ITPA: variants seen among roughly 807,000 people sequenced by gnomAD.
ITPA encodes the protein inosine triphosphate pyrophosphatase.
Under a neutral mutation model 29.6 loss-of-function variants are expected in ITPA, and 29 were observed. The observed-to-expected ratio is 0.98, with a 90% CI of 0.73 to 1.34. The LOEUF (loss-of-function observed/expected upper bound fraction) is 1.34, where lower values mean the gene tolerates loss of function less well. Among genes scored for constraint, ITPA ranks in the 40% most tolerant of loss-of-function variants. The pLI is 0.00. For missense variants in ITPA, 241 were observed against 251.5 expected (o/e 0.96, Z 0.28); for synonymous variants, 103 against 99.3 (o/e 1.04, Z -0.22).
chr20:3,209,021 G>A (rs936725539), upstream of ITPA: 1 of 189,894 alleles, frequency 5.3e-6, no homozygotes, highest in African/African-American at 2.4e-5. This position sits in a 1 kb window ranked among gnomAD's most constrained non-coding sequence, Gnocchi z 4.6. Flanking sequence ...CTCAAGCCTA[G>A]GAGTGAAAAC....
In ITPA at chr20:3,209,575, G is replaced by T. The variant is rs757185748; in HGVS notation, c.24G>T (p.Lys8Asn). The change falls in exon 1 of 8, where the codon AAG becomes AAT. Residue 8 changes from lysine to asparagine, a missense_variant. Coordinates refer to ENST00000380113, the MANE Select transcript of ITPA (RefSeq NM_033453.4). The surrounding 1 kb of genome is among the most constrained non-coding windows in gnomAD (Gnocchi z 4.6). MAASLVG[K>N]KIVFVTGNAK... Reference sequence around the variant, plus strand: ...CCATGGCGGCCTCATTGGTGGGGAAGAAGATCGTGTTTGTAACGGGGAACG... The same window carrying T: ...CCATGGCGGCCTCATTGGTGGGGAATAAGATCGTGTTTGTAACGGGGAACG... The T allele has an allele frequency of 6.2e-7, 1 of 1,614,174 alleles. No individual in the cohort carries two copies. The highest frequency in any genetic ancestry group is 8.5e-7 in the Non-Finnish European group (1 of 1,180,040).
chr20:3,221,285 A>C, intron 6 of ITPA, among the ~76,000 whole-genome samples: 1 of 149,500 alleles, frequency 6.7e-6, no homozygotes. Flanking sequence ...TTTTTCTAAC[A>C]TTTTCACTGT....
At chr20:3,205,044 G>T (rs952763577), upstream of ITPA, among the ~76,000 whole-genome samples, 10 of 152,000 alleles carry the variant, frequency 6.6e-5, no homozygotes, top group East Asian at 3.9e-4. Flanking sequence ...AGAGATGGGG[G>T]TTTCACCGTG....
upstream of ITPA, among the ~76,000 whole-genome samples, chr20:3,206,615 G>A (rs1295086371): frequency 3.3e-5 from 5 of 151,832 alleles, no homozygotes; most frequent in Non-Finnish European, 5.9e-5. Flanking sequence ...CGGATCACGA[G>A]GTCAGGAGAT....
At chr20:3,217,973 A>G (rs1255784194) in intron 5 of ITPA, among the ~76,000 whole-genome samples, 2 of 148,842 alleles carry the variant, frequency 1.3e-5, no homozygotes, top group Non-Finnish European at 3.0e-5. Context: ...GCTGGAGTGC[A>G]GTGGCCCGAT....
downstream of ITPA, among the ~76,000 whole-genome samples, chr20:3,227,173 T>C (rs3810560): frequency 0.35 from 52,892 of 152,246 alleles, 10,953 homozygotes; most frequent in South Asian, 0.65. Flanking sequence ...CTCGCTCCTC[T>C]GGACCCTTGC....
chr20:3,213,968 A>T lies in ITPA; in HGVS notation c.190-17A>T, dbSNP rs1487422589. On this transcript the variant is annotated splice_polypyrimidine_tract_variant and intron_variant, in intron 3 of 7. Coordinates refer to ENST00000380113, the MANE Select transcript of ITPA (RefSeq NM_033453.4). ...TGGTGATCATGGGTCTCAGGGCTGT[A>T]TGTCTTTGTGCTGCAGGTACAGGGG... is the stretch of plus-strand genomic sequence containing the variant. 4 of 1,613,866 alleles carry T rather than the reference A, an allele frequency of 2.5e-6. No individual in the cohort carries two copies. The highest frequency in any genetic ancestry group is 3.4e-6 in the Non-Finnish European group (4 of 1,179,874).
downstream of ITPA, among the ~76,000 whole-genome samples, chr20:3,225,602 G>A (rs767623829): frequency 6.6e-6 from 1 of 152,212 alleles, no homozygotes; most frequent in African/African-American, 2.4e-5. Context: ...CTCGCCCCGT[G>A]CATCTCTTCA....
upstream of ITPA, chr20:3,204,634 G>GGCCT (rs1568502628): frequency 6.3e-7 from 1 of 1,575,876 alleles, no homozygotes. Context: ...CCATGACGAG[G>GGCCT]GCCTCAGTGC....
At chr20:3,209,236 AT>A, upstream of ITPA, 1 of 427,742 alleles carries the variant, frequency 2.3e-6, no homozygotes. The surrounding 1 kb of genome is among the most constrained non-coding windows in gnomAD (Gnocchi z 4.6). Flanking sequence ...CGGAGACCCC[AT>A]TGCAGAGAAG....
At position 3,215,056 on chromosome 20, in the gene ITPA, A is replaced by G. The variant is rs554892586; in HGVS notation, c.264-225A>G. The stretch of plus-strand genomic sequence containing the variant: ...GTTTTTTTGCATTTTTTGTAGAGAT[A>G]GGATTTTGCTACGTTGTCCAAGCTT... On this transcript the variant is annotated intron_variant, in intron 4 of 7. Transcript: ENST00000380113. Among the ~76,000 whole-genome samples, 10 of 152,088 alleles carry G rather than the reference A, an allele frequency of 6.6e-5. No individual in the cohort carries two copies. The East Asian group carries it at 1.9e-3, about 29-fold the overall frequency.
At chr20:3,220,686 C>T (rs2122425952) in intron 6 of ITPA, among the ~76,000 whole-genome samples, 1 of 150,836 alleles carries the variant, frequency 6.6e-6, no homozygotes, top group South Asian at 2.1e-4. Flanking sequence ...GTAGCTAGGA[C>T]CTCAGGTGTG....
At chr20:3,204,533 C>T (rs754750039), upstream of ITPA, 1 of 1,557,806 alleles carries the variant, frequency 6.4e-7, no homozygotes, top group Non-Finnish European at 8.6e-7. Context: ...GCGGCATCTC[C>T]TACCTGATGC....
chr20:3,222,919 G>A (rs1160800637), intron 7 of ITPA, among the ~76,000 whole-genome samples: 1 of 152,240 alleles, frequency 6.6e-6, no homozygotes, highest in Non-Finnish European at 1.5e-5. Context: ...CCACGGGCGG[G>A]GTATGGGATT....
At chr20:3,219,487 G>T (rs2067404403) in intron 6 of ITPA, among the ~76,000 whole-genome samples, 1 of 152,078 alleles carries the variant, frequency 6.6e-6, no homozygotes, top group Non-Finnish European at 1.5e-5. Flanking sequence ...GCTCACATCT[G>T]TAATCCCAGC....
At chr20:3,214,408 G>C (rs2067246301) in intron 4 of ITPA, among the ~76,000 whole-genome samples, 1 of 136,100 alleles carries the variant, frequency 7.3e-6, no homozygotes, top group Non-Finnish European at 1.5e-5. Flanking sequence ...CTGTTACCCA[G>C]ACGGCTGGAG....
upstream of ITPA, among the ~76,000 whole-genome samples, chr20:3,207,518 A>T (rs1403083270): frequency 6.6e-6 from 1 of 150,706 alleles, no homozygotes. Flanking sequence ...ATATGGTGAA[A>T]CCCCACCTCT....
At chr20:3,204,723 C>T (rs2067059074), upstream of ITPA, 2 of 1,225,672 alleles carry the variant, frequency 1.6e-6, no homozygotes, top group Non-Finnish European at 1.1e-6. Flanking sequence ...GCCCACTACT[C>T]GGAGCCCCGC....
chr20:3,209,413 G>C, upstream of ITPA: 1 of 811,668 alleles, frequency 1.2e-6, no homozygotes, highest in Non-Finnish European at 2.1e-6. This position sits in a 1 kb window ranked among gnomAD's most constrained non-coding sequence, Gnocchi z 4.6. Context: ...CGCCCGATAC[G>C]CGCCTTGGGG....
Sources: allele counts gnomAD v4.1 joint callset (sites outside exome capture counted in the v4.1 genomes callset), GRCh38; gene constraint gnomAD v4.1.1; non-coding constraint Gnocchi (gnomAD v3.1); transcripts MANE v1.5; gene names NCBI Gene and HGNC (gene_info 2026-07-23, HGNC 2026-07-21).